The following SLC26A7 variants were observed in gnomAD, a reference collection of about 807,000 sequenced individuals.
SLC26A7 encodes anion exchange transporter.
In SLC26A7, 59 loss-of-function variants were observed where a neutral mutation model predicts 82.5. That is an observed-to-expected ratio of 0.72 (90% CI 0.58 to 0.89). The LOEUF is 0.89. Ranked by LOEUF, SLC26A7 falls within the 40% of genes least tolerant of loss-of-function variation. The probability of loss-of-function intolerance (pLI) is 0.00; values close to 1 mark genes in which losing one functional copy is unlikely to be tolerated. For synonymous variants in SLC26A7, 271 were observed against 274.3 expected, an observed-to-expected ratio of 0.99 and a Z score of 0.12; for missense variants, 820 against 793.0, an observed-to-expected ratio of 1.03 and a Z score of -0.41.
At chr8:91,344,959 T>C (rs1013456478) in intron 9 of SLC26A7, among the ~76,000 whole-genome samples, 2 of 152,038 alleles carry the variant, frequency 1.3e-5, no homozygotes, top group African/African-American at 4.8e-5. Context: ...TTTCTTTTTT[T>C]TTTGGCAGAG....
intron 3 of SLC26A7, among the ~76,000 whole-genome samples, chr8:91,290,980 C>T (rs906802201): frequency 6.6e-6 from 1 of 152,026 alleles, no homozygotes; most frequent in Non-Finnish European, 1.5e-5. Context: ...CATCTCAGGC[C>T]TACTGAATTA....
chr8:91,270,436 T>C (rs1811238186), intron 2 of SLC26A7, among the ~76,000 whole-genome samples: 1 of 152,208 alleles, frequency 6.6e-6, no homozygotes, highest in Non-Finnish European at 1.5e-5. Context: ...AGAGCTGCAG[T>C]GCTTTCCAGG....
chr8:91,368,431 T>TG (rs1814257676), intron 14 of SLC26A7, among the ~76,000 whole-genome samples: 1 of 151,640 alleles, frequency 6.6e-6, no homozygotes, highest in African/African-American at 2.4e-5. Context: ...TTTTGTTTTT[T>TG]TTTTTGAGAC....
At chr8:91,218,554 A>G (rs1413718357) in intron 1 of SLC26A7, among the ~76,000 whole-genome samples, 1 of 152,200 alleles carries the variant, frequency 6.6e-6, no homozygotes, top group African/African-American at 2.4e-5. Context: ...TGATCAATTT[A>G]ATACCCCTGA....
chr8:91,245,383 T>G (rs915790247), upstream of SLC26A7, among the ~76,000 whole-genome samples: 1 of 152,138 alleles, frequency 6.6e-6, no homozygotes, highest in Non-Finnish European at 1.5e-5. Context: ...TATGAAACTT[T>G]GGGTAAATTA....
chr8:91,330,746 A>G (rs1394471075), intron 5 of SLC26A7, among the ~76,000 whole-genome samples: 41 of 152,192 alleles, frequency 2.7e-4, no homozygotes, highest in Admixed American at 2.6e-3. Context: ...TTTTCATAAG[A>G]GAAAACATGG....
At chr8:91,318,758 G>A (rs1812711407) in intron 5 of SLC26A7, among the ~76,000 whole-genome samples, 1 of 152,156 alleles carries the variant, frequency 6.6e-6, no homozygotes, top group African/African-American at 2.4e-5. Flanking sequence ...ATCCTGGGGT[G>A]GATTAAATCA....
rs763260445 is a variant in SLC26A7, at chr8:91,343,426, G to A, written c.1100G>A (p.Gly367Glu). Reference protein sequence around the residue: ...FFCIPSAAAMGRTAGLYSTGA... With the variant: ...FFCIPSAAAMERTAGLYSTGA... Reference sequence around the variant, plus strand: ...TGCATACCAAGTGCTGCTGCCATGGGAAGGACGGCTGGCCTGTACAGCACA... The same window carrying A: ...TGCATACCAAGTGCTGCTGCCATGGAAAGGACGGCTGGCCTGTACAGCACA... The change falls in exon 9 of 19, where the codon GGA becomes GAA. Residue 367 changes from glycine (G) to glutamate (E), a missense_variant. Gly to Glu is a moderately conservative substitution (Grantham distance 98, BLOSUM62 -2). Coordinates refer to ENST00000276609, the MANE Select transcript of SLC26A7 (RefSeq NM_052832.4). 3.7e-6 allele frequency: 6 copies of A among 1,612,888 alleles called. No homozygotes were observed. The South Asian group carries it at 6.6e-5, about 18-fold the overall frequency.
At position 91,368,419 on chromosome 8, in the gene SLC26A7, T is replaced by TTG. The variant is rs201983002; in HGVS notation, c.1627-1365_1627-1364insGT. On this transcript the variant is annotated intron_variant, in intron 14 of 18. Coordinates refer to ENST00000276609, the MANE Select transcript of SLC26A7 (RefSeq NM_052832.4). ...AAGGGAGATTTCAGATGAGGTTTTT[T>TTG]TTTTTGTTTTTTTTTTTGAGACGGA... Among the ~76,000 whole-genome samples the TTG allele has an allele frequency of 4.5e-3, 682 of 151,582 alleles. 9 individuals carry two copies. Among genetic ancestry groups the TTG allele is most frequent in the African/African-American group, 0.015 (625 of 41,292 alleles).
chr8:91,318,205 TCTC>T lies in SLC26A7; in HGVS notation c.478-7_478-5del, dbSNP rs759722994. ...TCTGAAGTTCATCTCACTTCTCCCT[TCTC>T]CTCTTAGGTGGCCATGTTTGTGCTG... On this transcript the variant is annotated splice_region_variant and splice_polypyrimidine_tract_variant and intron_variant, in intron 4 of 18. Coordinates refer to ENST00000276609, the MANE Select transcript of SLC26A7 (RefSeq NM_052832.4). The T allele has an allele frequency of 8.8e-6, 14 of 1,587,640 alleles. No homozygotes were observed. The highest frequency in any genetic ancestry group is 2.3e-5 in the East Asian group (1 of 43,832).
At chr8:91,322,750 T>G (rs943645377) in intron 5 of SLC26A7, among the ~76,000 whole-genome samples, 1 of 152,200 alleles carries the variant, frequency 6.6e-6, no homozygotes, top group African/African-American at 2.4e-5. Flanking sequence ...TACAGTTATA[T>G]ATATTAAACC....
In SLC26A7 at chr8:91,239,391, A is replaced by ATATATATAT. The variant is rs1385660578; in HGVS notation, c.-33-10228_-33-10227insTATATATAT. The stretch of plus-strand genomic sequence containing the variant: ...ACTCCGTCTCAAAAAAAAAAAAAAA[A>ATATATATAT]AAAAATATATATATATATATGTATA... On this transcript the variant is annotated intron_variant, in intron 2 of 5. Coordinates refer to the SLC26A7 transcript ENST00000522862. Among the ~76,000 whole-genome samples, 199 of 105,100 alleles carry ATATATATAT rather than the reference A, an allele frequency of 1.9e-3. 1 individual carries two copies. Among genetic ancestry groups the ATATATATAT allele is most frequent in the African/African-American group, 5.7e-3 (176 of 31,050 alleles). The allele number at this position is 105,100 out of a possible 152,430, so 68.9% of individuals were successfully genotyped here.
intron 3 of SLC26A7, among the ~76,000 whole-genome samples, chr8:91,293,036 G>C (rs1216240215): frequency 6.6e-6 from 1 of 152,132 alleles, no homozygotes; most frequent in Non-Finnish European, 1.5e-5. Flanking sequence ...ACTTGAGACA[G>C]TGTTTTTTTA....
At chr8:91,247,197 A>T (rs59058801), upstream of SLC26A7, among the ~76,000 whole-genome samples, 1 of 152,180 alleles carries the variant, frequency 6.6e-6, no homozygotes, top group African/African-American at 2.4e-5. Flanking sequence ...CTTTCTGTTA[A>T]TCCATGTATG....
At chr8:91,312,204 G>C (rs1220768349) in intron 4 of SLC26A7, among the ~76,000 whole-genome samples, 1 of 152,112 alleles carries the variant, frequency 6.6e-6, no homozygotes, top group South Asian at 2.1e-4. Context: ...GAATCATACA[G>C]TATTTGCCAT....
chr8:91,359,876 ATG>A (rs33943189), intron 11 of SLC26A7, among the ~76,000 whole-genome samples: 4,273 of 139,244 alleles, frequency 0.031, 193 homozygotes, highest in African/African-American at 0.11. Flanking sequence ...TATCCAAGAT[ATG>A]TGTGTGTGTG....
chr8:91,336,687 T>C (rs1563685934), intron 6 of SLC26A7, among the ~76,000 whole-genome samples: 2 of 152,272 alleles, frequency 1.3e-5, no homozygotes, highest in South Asian at 2.1e-4. Flanking sequence ...GAATTAATAT[T>C]GAAGAAGGAC....
In SLC26A7 at chr8:91,291,658, G is replaced by A. The variant is rs557111227; in HGVS notation, c.304+2412G>A. ...AAATACGTACTTACACAAAATATTT[G>A]ATGTCCTAAGGAATCACTGTAAACA... On this transcript the variant is annotated intron_variant, in intron 3 of 18. Transcript: ENST00000276609. Among the ~76,000 whole-genome samples, 3 of 152,250 alleles carry A rather than the reference G, an allele frequency of 2.0e-5. No homozygotes were observed. The East Asian group carries it at 5.8e-4, about 29-fold the overall frequency.
intron 4 of SLC26A7, among the ~76,000 whole-genome samples, chr8:91,310,229 C>A (rs1241664794): frequency 1.3e-5 from 2 of 152,154 alleles, no homozygotes; most frequent in African/African-American, 4.8e-5. Flanking sequence ...CCTACTATAA[C>A]ATTTCCGCCA....
Sources: allele counts gnomAD v4.1 joint callset (sites outside exome capture counted in the v4.1 genomes callset), GRCh38; gene constraint gnomAD v4.1.1; transcripts MANE v1.5; gene names NCBI Gene and HGNC (gene_info 2026-07-23, HGNC 2026-07-21).